The following STPG4 variants were observed in gnomAD, a reference collection of about 807,000 sequenced individuals.
The protein encoded by STPG4 is protein STPG4.
Under a neutral mutation model 31.5 loss-of-function variants are expected in STPG4, and 41 were observed. That is an observed-to-expected ratio of 1.30 (90% CI 1.01 to 1.69). STPG4 has a LOEUF of 1.69. Ranked by LOEUF, STPG4 falls within the 40% of genes most tolerant of loss-of-function variation. The pLI, the probability that STPG4 is intolerant of heterozygous loss-of-function variation, is 0.00. For synonymous variants in STPG4, 141 were observed against 103.0 expected, an observed-to-expected ratio of 1.37 and a Z score of -2.24; for missense variants, 375 against 293.4, an observed-to-expected ratio of 1.28 and a Z score of -2.03.
At chr2:47,152,222 C>T (rs1203928114) in intron 2 of STPG4, among the ~76,000 whole-genome samples, 2 of 152,018 alleles carry the variant, frequency 1.3e-5, no homozygotes, top group African/African-American at 4.8e-5. Flanking sequence ...TCTCTCTAGC[C>T]CTCAAGTGGG....
chr2:47,094,579 T>C (rs192563513), intron 5 of STPG4, among the ~76,000 whole-genome samples: 6 of 152,092 alleles, frequency 3.9e-5, no homozygotes, highest in African/African-American at 7.2e-5. Context: ...GTGAGGGATA[T>C]AGGCAGAACC....
At chr2:47,148,810 T>C (rs2103804898) in intron 3 of STPG4, among the ~76,000 whole-genome samples, 1 of 152,358 alleles carries the variant, frequency 6.6e-6, no homozygotes, top group African/African-American at 2.4e-5. Flanking sequence ...GATAGTTTAC[T>C]GAGAATGATG....
At chr2:47,128,086 T>A (rs930360315) in intron 5 of STPG4, among the ~76,000 whole-genome samples, 7 of 152,206 alleles carry the variant, frequency 4.6e-5, no homozygotes, top group African/African-American at 1.7e-4. Context: ...TTGCTGTGAT[T>A]CTGGTAGACT....
chr2:47,117,907 T>C (rs1443291924), intron 5 of STPG4, among the ~76,000 whole-genome samples: 1 of 143,740 alleles, frequency 7.0e-6, no homozygotes, highest in Non-Finnish European at 1.5e-5. Flanking sequence ...ACTTTAGAGA[T>C]AGTACAACAT....
At chr2:47,143,102 A>T (rs1400020048) in intron 3 of STPG4, among the ~76,000 whole-genome samples, 1 of 152,182 alleles carries the variant, frequency 6.6e-6, no homozygotes, top group Non-Finnish European at 1.5e-5. Context: ...CTGGGATTAC[A>T]GGCGTAAGCC....
At chr2:47,151,132 G>T in intron 3 of STPG4, 126 bp downstream of exon 3, 1 of 1,215,218 alleles carries the variant, frequency 8.2e-7, no homozygotes, top group Non-Finnish European at 1.1e-6. Flanking sequence ...GATTTCTACG[G>T]GAAATAAGAC....
At position 47,151,421 on chromosome 2, in the gene STPG4, C is replaced by A; in HGVS notation, c.236G>T (p.Gly79Val). 1 of 1,614,140 alleles carries A rather than the reference C, an allele frequency of 6.2e-7. No homozygotes were observed. The highest frequency in any genetic ancestry group is 1.1e-5 in the South Asian group (1 of 91,088). Residue 79 changes from glycine (G) to valine (V), a missense_variant, in exon 3 of 7, where the codon GGA becomes GTA. By Grantham distance (109) the Gly-to-Val change is moderately radical. Transcript: ENST00000445927. ...TTGCACAAGAGGTGGCTTTTTCCTT[C>A]CTTCGTTTTTAAAATTGTAGGTTGC... ...VIATYNFKNEGRKKPPLVQRN... is the reference protein window; with the variant it reads ...VIATYNFKNEVRKKPPLVQRN...
chr2:47,124,813 A>G (rs1225650717), intron 5 of STPG4, among the ~76,000 whole-genome samples: 1 of 152,160 alleles, frequency 6.6e-6, no homozygotes, highest in Non-Finnish European at 1.5e-5. Context: ...ATCATATGGT[A>G]GCTCTATGTT....
intron 5 of STPG4, among the ~76,000 whole-genome samples, chr2:47,107,005 C>T (rs1479426078): frequency 1.3e-5 from 2 of 151,988 alleles, no homozygotes; most frequent in African/African-American, 4.8e-5. Flanking sequence ...AACTGCAGGG[C>T]CCCTTCATCG....
chr2:47,089,037 T>C (rs879235789), intron 6 of STPG4, among the ~76,000 whole-genome samples: 1 of 152,156 alleles, frequency 6.6e-6, no homozygotes, highest in Admixed American at 6.5e-5. Context: ...AACCTTCTGG[T>C]TGTCTTCAGC....
intron 5 of STPG4, 145 bp downstream of exon 5, chr2:47,129,796 G>T: frequency 1.0e-6 from 1 of 1,000,430 alleles, no homozygotes; most frequent in Non-Finnish European, 1.4e-6. Context: ...GTTTTCTTGT[G>T]TGGATAATTG....
At chr2:47,142,745 A>C (rs1213715828) in intron 3 of STPG4, among the ~76,000 whole-genome samples, 1 of 151,562 alleles carries the variant, frequency 6.6e-6, no homozygotes, top group East Asian at 1.9e-4. Flanking sequence ...AAATGGGATT[A>C]TACTCTAAAT....
intron 2 of STPG4, 149 bp from the exon 3 acceptor site, chr2:47,151,664 A>C: frequency 1.5e-6 from 1 of 657,248 alleles, no homozygotes; most frequent in Non-Finnish European, 2.6e-6. Context: ...CTCTTGACAG[A>C]AGAGTATTTC....
chr2:47,148,208 A>T (rs1238023340), intron 3 of STPG4, among the ~76,000 whole-genome samples: 1 of 152,052 alleles, frequency 6.6e-6, no homozygotes, highest in Non-Finnish European at 1.5e-5. Flanking sequence ...CGGCCTCCCA[A>T]AGTGCTGGGA....
intron 5 of STPG4, among the ~76,000 whole-genome samples, chr2:47,099,945 C>G (rs1208237278): frequency 1.3e-5 from 2 of 152,158 alleles, no homozygotes; most frequent in Admixed American, 1.3e-4. Context: ...CTCAGTTTCT[C>G]GCTGGGTCTT....
rs1686250328 is a variant in STPG4, at chr2:47,120,652, G to A, written c.519+9289C>T. ...GACCTGGCACATTCATTTGGTGGGG[G>A]TCCGGGTTTCAGTCATATGTTAAGA... is the stretch of plus-strand genomic sequence containing the variant. On this transcript the variant is annotated intron_variant, in intron 5 of 6. Coordinates refer to ENST00000445927, the MANE Select transcript of STPG4 (RefSeq NM_001163561.2). Among the ~76,000 whole-genome samples the A allele has an allele frequency of 2.0e-5, 3 of 152,068 alleles. No homozygotes were observed. The South Asian group carries it at 6.2e-4, about 32-fold the overall frequency.
rs919309914 is a variant in STPG4 at position 47,110,241 on chromosome 2, T to G, written c.519+19700A>C. 5.9e-5 allele frequency among the ~76,000 whole-genome samples: 9 copies of G among 152,230 alleles called. No homozygotes were observed. In the East Asian group the frequency reaches 1.7e-3, roughly 29 times the overall value. Reference sequence around the variant, plus strand: ...ATTTTTATTTAATAACAAAGTGTTTTCATCTTAACCATATTGATGGCTCTT... The same window carrying G: ...ATTTTTATTTAATAACAAAGTGTTTGCATCTTAACCATATTGATGGCTCTT... On this transcript the variant is annotated intron_variant, in intron 5 of 6. Coordinates refer to ENST00000445927, the MANE Select transcript of STPG4 (RefSeq NM_001163561.2).
intron 3 of STPG4, among the ~76,000 whole-genome samples, chr2:47,146,048 G>T (rs578095904): frequency 6.6e-6 from 1 of 152,310 alleles, no homozygotes; most frequent in South Asian, 2.1e-4. Context: ...CCTTGAGGTA[G>T]GAGTGTGAGT....
chr2:47,113,333 A>C (rs996007930), intron 5 of STPG4, among the ~76,000 whole-genome samples: 1 of 152,236 alleles, frequency 6.6e-6, no homozygotes, highest in Non-Finnish European at 1.5e-5. Flanking sequence ...AAGTGCTAAT[A>C]TCTCTTAACT....
Sources: gnomAD v4.1 joint callset for allele counts (sites outside exome capture counted in the v4.1 genomes callset) on GRCh38, gnomAD v4.1.1 for gene constraint, MANE v1.5 for transcripts, NCBI Gene and HGNC (gene_info 2026-07-23, HGNC 2026-07-21) for gene names.